ZFPM2: variants seen among roughly 807,000 people sequenced by gnomAD.
The protein encoded by ZFPM2 is zinc finger protein ZFPM2.
Under a neutral mutation model 98.6 loss-of-function variants are expected in ZFPM2, and 20 were observed. That is an observed-to-expected ratio of 0.20 (90% CI 0.14 to 0.29). The LOEUF is 0.29. Ranked by LOEUF, ZFPM2 falls within the 10% of genes least tolerant of loss-of-function variation. ZFPM2 has a pLI of 1.00. For missense variants in ZFPM2, 1,310 were observed against 1,388.6 expected, an observed-to-expected ratio of 0.94 and a Z score of 0.90; for synonymous variants, 518 against 502.7, an observed-to-expected ratio of 1.03 and a Z score of -0.41.
chr8:105,633,537 A>T (rs1364254415), intron 4 of ZFPM2, among the ~76,000 whole-genome samples: 1 of 152,202 alleles, frequency 6.6e-6, no homozygotes, highest in Non-Finnish European at 1.5e-5. Context: ...TCTATTTAAC[A>T]TGTACACTAA....
intron 3 of ZFPM2, among the ~76,000 whole-genome samples, chr8:105,456,945 G>A (rs546578878): frequency 3.3e-5 from 5 of 152,110 alleles, no homozygotes; most frequent in Non-Finnish European, 7.3e-5. Context: ...GAGCCACTGC[G>A]CCTGGCCGTG....
At chr8:105,468,235 A>G (rs1005717228) in intron 3 of ZFPM2, among the ~76,000 whole-genome samples, 1 of 151,814 alleles carries the variant, frequency 6.6e-6, no homozygotes, top group Admixed American at 6.6e-5. Context: ...TCCCAGGGGT[A>G]CTTGACACTT....
At chr8:105,461,146 A>G (rs192589357) in intron 3 of ZFPM2, among the ~76,000 whole-genome samples, 45 of 152,280 alleles carry the variant, frequency 3.0e-4, no homozygotes, top group Non-Finnish European at 5.4e-4. Context: ...CTACTATTTC[A>G]TGTCAATAAT....
intron 6 of ZFPM2, among the ~76,000 whole-genome samples, chr8:105,796,114 C>A (rs1813802609): frequency 6.6e-6 from 1 of 152,114 alleles, no homozygotes; most frequent in Non-Finnish European, 1.5e-5. Context: ...TAGTACTTCC[C>A]ATCTAAGCTA....
chr8:105,354,684 C>G (rs1812707831), intron 1 of ZFPM2, among the ~76,000 whole-genome samples: 1 of 152,136 alleles, frequency 6.6e-6, no homozygotes, highest in African/African-American at 2.4e-5. Context: ...AAATGAGAAG[C>G]AACGCAATTT....
At chr8:105,412,376 T>C (rs936132134) in intron 1 of ZFPM2, among the ~76,000 whole-genome samples, 6 of 151,794 alleles carry the variant, frequency 4.0e-5, no homozygotes, top group African/African-American at 1.5e-4. Flanking sequence ...ACTTTCTTGA[T>C]TGAAGGACAG....
At position 105,561,502 on chromosome 8, in the gene ZFPM2, G is replaced by A. The variant is rs775100135; in HGVS notation, c.420+21G>A. ...CTTTGGTATGTGGATATTCCGAGAT[G>A]GTTAATATTTTGTCATCGACTGTTA... On this transcript the variant is annotated intron_variant, in intron 4 of 7. Coordinates refer to ENST00000407775, the MANE Select transcript of ZFPM2 (RefSeq NM_012082.4). The A allele has an allele frequency of 3.9e-6, 6 of 1,553,718 alleles. No homozygotes were observed. In the East Asian group the frequency reaches 1.4e-4, roughly 35 times the overall value.
chr8:105,412,444 A>C (rs370088632), intron 1 of ZFPM2, among the ~76,000 whole-genome samples: 18 of 151,960 alleles, frequency 1.2e-4, no homozygotes, highest in South Asian at 4.1e-4. Context: ...AAAATCAATT[A>C]TATATAAGAA....
At chr8:105,652,106 C>A (rs1184206349) in intron 5 of ZFPM2, among the ~76,000 whole-genome samples, 1 of 151,670 alleles carries the variant, frequency 6.6e-6, no homozygotes, top group Non-Finnish European at 1.5e-5. Flanking sequence ...TGCATAGCAG[C>A]CATGCCAAGT....
At chr8:105,330,611 C>T (rs868745106) in intron 1 of ZFPM2, among the ~76,000 whole-genome samples, 2,449 of 75,810 alleles carry the variant, frequency 0.032, 52 homozygotes, top group African/African-American at 0.094. Flanking sequence ...TATATATATA[C>T]ACATATATAT....
At chr8:105,462,057 G>C (rs951418725) in intron 3 of ZFPM2, among the ~76,000 whole-genome samples, 1 of 152,094 alleles carries the variant, frequency 6.6e-6, no homozygotes, top group Non-Finnish European at 1.5e-5. Flanking sequence ...GGAACAATAT[G>C]ATTTATTTTT....
At chr8:105,551,721 G>A (rs1163511394) in intron 3 of ZFPM2, among the ~76,000 whole-genome samples, 3 of 152,108 alleles carry the variant, frequency 2.0e-5, no homozygotes, top group African/African-American at 7.2e-5. Context: ...ACCTCCTGAA[G>A]ATCTTTACTT....
intron 5 of ZFPM2, among the ~76,000 whole-genome samples, chr8:105,756,510 A>G (rs1464089643): frequency 6.6e-6 from 1 of 152,196 alleles, no homozygotes; most frequent in African/African-American, 2.4e-5. Context: ...TAAACAGACT[A>G]TAATAAAGTA....
intron 4 of ZFPM2, among the ~76,000 whole-genome samples, chr8:105,631,107 A>G (rs1816747125): frequency 6.6e-6 from 1 of 152,198 alleles, no homozygotes; most frequent in African/African-American, 2.4e-5. Context: ...GAAAATATAC[A>G]TGAGGACTAG....
Position 105,318,823 on chromosome 8 carries a change from C to A in ZFPM2, c.-119C>A. On this transcript the variant is annotated 5_prime_UTR_variant, in exon 1 of 8. Coordinates refer to ENST00000407775, the MANE Select transcript of ZFPM2 (RefSeq NM_012082.4). ...GCGCCCGGAGCACCTGGAGTCCGGC[C>A]GGCGGCGGGCCGAGCCTGGCCAGCG... The A allele has an allele frequency of 4.0e-6, 2 of 501,608 alleles. No individual in the cohort carries two copies. The highest frequency in any genetic ancestry group is 5.1e-6 in the Non-Finnish European group (2 of 390,126). The allele number at this position is 501,608 out of a possible 1,614,324, so 31.1% of individuals were successfully genotyped here. A position where few individuals can be genotyped will look rare whatever the true frequency, so the allele number is the denominator to read the frequency against.
intron 5 of ZFPM2, chr8:105,662,261 G>T (rs1178322516): frequency 1.3e-5 from 2 of 152,204 alleles, no homozygotes; most frequent in Admixed American, 6.5e-5. Flanking sequence ...ATACTGACAG[G>T]TGTGTATTTT....
chr8:105,330,563 TATATAC>T (rs58502356), intron 1 of ZFPM2, among the ~76,000 whole-genome samples: 2,045 of 74,926 alleles, frequency 0.027, 48 homozygotes, highest in Admixed American at 0.064. Flanking sequence ...CATATATATA[TATATAC>T]ATATATATAT....
At chr8:105,675,898 T>G (rs1440529617) in intron 5 of ZFPM2, 7 of 152,208 alleles carry the variant, frequency 4.6e-5, no homozygotes, top group Non-Finnish European at 8.8e-5. Flanking sequence ...AATTGTATTT[T>G]ATAGATGTGA....
intron 4 of ZFPM2, among the ~76,000 whole-genome samples, chr8:105,569,033 ACT>A (rs1259577008): frequency 2.0e-5 from 3 of 151,268 alleles, no homozygotes; most frequent in Non-Finnish European, 4.4e-5. Context: ...TTATTTAAAG[ACT>A]CTGCTCAAAG....
Sources: gnomAD v4.1 joint callset for allele counts (sites outside exome capture counted in the v4.1 genomes callset) on GRCh38, gnomAD v4.1.1 for gene constraint, MANE v1.5 for transcripts, NCBI Gene and HGNC (gene_info 2026-07-23, HGNC 2026-07-21) for gene names.